The following ANO4 variants were observed in gnomAD, a reference collection of about 807,000 sequenced individuals.
The protein encoded by ANO4 is anoctamin 4.
ANO4 carries 69 observed loss-of-function variants against 141.9 expected under a neutral mutation model. The ratio of observed to expected loss-of-function variants is 0.49; its 90% CI spans 0.40 to 0.59. The LOEUF is 0.59. ANO4 is among the 20% of genes least tolerant of loss of function. The pLI is 0.00. For missense variants in ANO4, 894 were observed against 1,162.2 expected (o/e 0.77, Z 3.36); for synonymous variants, 350 against 394.3 (o/e 0.89, Z 1.33).
intron 1 of ANO4, among the ~76,000 whole-genome samples, chr12:100,829,656 A>T (rs541437071): frequency 3.5e-4 from 53 of 152,208 alleles, no homozygotes; most frequent in African/African-American, 1.3e-3. Context: ...GTCAAGGAAG[A>T]AATCAGTACA....
At chr12:100,822,576 A>T (rs564709468) in intron 1 of ANO4, among the ~76,000 whole-genome samples, 18 of 152,106 alleles carry the variant, frequency 1.2e-4, no homozygotes, top group East Asian at 9.7e-4. Flanking sequence ...CAGGAGGCAA[A>T]TTTTTTCCAA....
chr12:100,725,139 G>T (rs2031052023), intron 1 of ANO4, among the ~76,000 whole-genome samples: 1 of 152,144 alleles, frequency 6.6e-6, no homozygotes, highest in Non-Finnish European at 1.5e-5. Context: ...TGTTTGGTAA[G>T]TTCTTGGCTT....
chr12:100,916,863 A>AT (rs1407384438), intron 2 of ANO4, among the ~76,000 whole-genome samples: 1 of 151,804 alleles, frequency 6.6e-6, no homozygotes, highest in South Asian at 2.1e-4. Context: ...TTTGAAACTC[A>AT]TTTTTTTGTT....
chr12:101,084,812 G>T (rs757166926), intron 16 of ANO4, among the ~76,000 whole-genome samples: 1 of 152,180 alleles, frequency 6.6e-6, no homozygotes, highest in East Asian at 1.9e-4. Flanking sequence ...CTGTTCTATG[G>T]ATGGGGAACT....
At chr12:100,902,561 A>G (rs1018746428) in intron 2 of ANO4, among the ~76,000 whole-genome samples, 1 of 152,198 alleles carries the variant, frequency 6.6e-6, no homozygotes, top group African/African-American at 2.4e-5. Flanking sequence ...TTCATAAGTC[A>G]TTGAGAATAA....
chr12:101,019,746 A>G (rs1239654304), intron 8 of ANO4, among the ~76,000 whole-genome samples: 1 of 152,208 alleles, frequency 6.6e-6, no homozygotes, highest in Non-Finnish European at 1.5e-5. Context: ...CTGAGAAAAA[A>G]CAAGATACAA....
intron 14 of ANO4, among the ~76,000 whole-genome samples, chr12:101,054,878 T>A (rs1018955680): frequency 4.6e-5 from 7 of 152,234 alleles, no homozygotes; most frequent in Non-Finnish European, 7.3e-5. Context: ...CACTGTAGTT[T>A]CAGCTGTTCT....
At chr12:101,085,444 C>A (rs1047803335) in intron 16 of ANO4, among the ~76,000 whole-genome samples, 1 of 152,092 alleles carries the variant, frequency 6.6e-6, no homozygotes, top group Non-Finnish European at 1.5e-5. Flanking sequence ...CTAAACAATA[C>A]AGTATAACTA....
rs931589607 is a variant in ANO4, at chr12:100,739,909, C to A, written c.162C>A (p.Tyr54Ter). The change falls in exon 3 of 30, where the codon TAC becomes TAA. Residue 54 changes from tyrosine to a stop codon, truncating the protein, a stop_gained. Coordinates refer to the ANO4 transcript ENST00000644049. LOFTEE classifies it high-confidence loss of function. Reference sequence around the variant, plus strand: ...GGCTTACCCACTGGAAAAATCCATACGTACAAGGCAGACCAACCCTCCCAT... The same window carrying A: ...GGCTTACCCACTGGAAAAATCCATAAGTACAAGGCAGACCAACCCTCCCAT... 10 of 702,466 alleles carry A rather than the reference C, an allele frequency of 1.4e-5. No homozygotes were observed. In the African/African-American group the frequency reaches 1.7e-4, roughly 12 times the overall value. 43.5% of individuals were successfully genotyped at this position (702,466 alleles called of 1,614,324 possible). A position where few individuals can be genotyped will look rare whatever the true frequency, so the allele number is the denominator to read the frequency against.
intron 1 of ANO4, among the ~76,000 whole-genome samples, chr12:100,823,656 A>G (rs951807458): frequency 6.6e-5 from 10 of 152,094 alleles, no homozygotes; most frequent in African/African-American, 2.2e-4. Context: ...TGTATAAGCC[A>G]GTAAATCTAT....
At chr12:101,061,155 A>T (rs964132854) in intron 14 of ANO4, among the ~76,000 whole-genome samples, 1 of 152,142 alleles carries the variant, frequency 6.6e-6, no homozygotes, top group African/African-American at 2.4e-5. Flanking sequence ...GTTTGGCTGG[A>T]TATGAAATTC....
At chr12:100,971,280 A>C in intron 5 of ANO4, 26 bp from the exon 6 acceptor site, 1 of 1,526,750 alleles carries the variant, frequency 6.5e-7, no homozygotes, top group Non-Finnish European at 9.1e-7. Context: ...TATACTTTTC[A>C]ATTTAGTTTC....
intron 2 of ANO4, among the ~76,000 whole-genome samples, chr12:100,903,398 C>T (rs2040686332): frequency 6.6e-6 from 1 of 152,200 alleles, no homozygotes; most frequent in African/African-American, 2.4e-5. Context: ...CAGAATGATT[C>T]ATCTGTACCC....
intron 1 of ANO4, among the ~76,000 whole-genome samples, chr12:100,721,804 T>C (rs1055203109): frequency 7.2e-5 from 11 of 152,060 alleles, no homozygotes; most frequent in African/African-American, 2.4e-4. Flanking sequence ...TCAGCCTCCA[T>C]AGTAGCTGTG....
chr12:101,004,816 G>T (rs2045803823), intron 8 of ANO4, among the ~76,000 whole-genome samples: 1 of 152,130 alleles, frequency 6.6e-6, no homozygotes, highest in East Asian at 1.9e-4. Context: ...ATAAGAAGAG[G>T]AAGCAAGAGA....
chr12:101,090,076 A>G (rs1158308406), intron 17 of ANO4, among the ~76,000 whole-genome samples: 1 of 152,218 alleles, frequency 6.6e-6, no homozygotes, highest in Non-Finnish European at 1.5e-5. Flanking sequence ...TAGAATGGTG[A>G]TCCTTAAAAA....
At chr12:101,016,493 C>A (rs1251479923) in intron 8 of ANO4, among the ~76,000 whole-genome samples, 2 of 152,082 alleles carry the variant, frequency 1.3e-5, no homozygotes, top group Non-Finnish European at 2.9e-5. Context: ...CAGACCCCAC[C>A]TCTAACACTG....
At chr12:100,817,535 G>T (rs966620528) in intron 1 of ANO4, among the ~76,000 whole-genome samples, 5 of 152,034 alleles carry the variant, frequency 3.3e-5, no homozygotes, top group South Asian at 2.1e-4. Flanking sequence ...GGGTTTTACT[G>T]TAATATAATT....
At chr12:100,942,674 A>C in intron 5 of ANO4, 139 bp downstream of exon 5, 1 of 883,746 alleles carries the variant, frequency 1.1e-6, no homozygotes, top group Non-Finnish European at 1.6e-6. Context: ...AGTTTGGGGA[A>C]TGTTCCAATA....
Sources: gnomAD v4.1 joint callset for allele counts (sites outside exome capture counted in the v4.1 genomes callset) on GRCh38, gnomAD v4.1.1 for gene constraint, MANE v1.5 for transcripts, NCBI Gene and HGNC (gene_info 2026-07-23, HGNC 2026-07-21) for gene names.